ESR1: variants seen among roughly 807,000 people sequenced by gnomAD.
ESR1 encodes estrogen receptor 1.
In ESR1, 12 loss-of-function variants were observed where a neutral mutation model predicts 52.7. The ratio of observed to expected loss-of-function variants is 0.23; its 90% CI spans 0.15 to 0.37. The LOEUF (loss-of-function observed/expected upper bound fraction) is 0.37. Among genes scored for constraint, ESR1 ranks in the 10% least tolerant of loss-of-function variants. ESR1 has a pLI of 1.00. For synonymous variants in ESR1, 305 were observed against 316.8 expected (o/e 0.96, Z 0.39); for missense variants, 584 against 779.7 (o/e 0.75, Z 2.99).
intron 1 of ESR1, among the ~76,000 whole-genome samples, chr6:151,695,967 T>C (rs555260405): frequency 6.6e-6 from 1 of 152,352 alleles, no homozygotes; most frequent in South Asian, 2.1e-4. Flanking sequence ...ATTTACAAAA[T>C]TTAAAATTTT....
At position 151,730,102 on chromosome 6, in the gene ESR1, C is replaced by T. The variant is rs372635190; in HGVS notation, c.-71+28097C>T. On this transcript the variant is annotated intron_variant, in intron 2 of 2. Coordinates refer to the ESR1 transcript ENST00000404742. ...TGGCCCATTTCCGGGGTTCCTGTTC[C>T]TGTTATGCACATCAATCCCTAGATT... Among the ~76,000 whole-genome samples the T allele has an allele frequency of 2.0e-5, 3 of 152,170 alleles. No homozygotes were observed. In the East Asian group the frequency reaches 5.8e-4, roughly 30 times the overall value.
At chr6:151,831,393 G>A (rs147068535) in intron 1 of ESR1, among the ~76,000 whole-genome samples, 2,338 of 152,254 alleles carry the variant, frequency 0.015, 33 homozygotes, top group Non-Finnish European at 0.023. Flanking sequence ...TCCCACCGCA[G>A]CCTTCCAGAG....
rs2035469703 is a variant in ESR1 at position 151,944,467 on chromosome 6, G to A, written c.1055G>A (p.Arg352Lys). ...MMGLLTNLAD[R>K]ELVHMINWAK... is the part of the protein sequence containing the mutation. The stretch of plus-strand genomic sequence containing the variant: ...GGCTTACTGACCAACCTGGCAGACA[G>A]GGAGCTGGTTCACATGATCAACTGG... The change falls in exon 4 of 8, where the codon AGG becomes AAG. Residue 352 changes from arginine to lysine, a missense_variant. Arg to Lys is a conservative substitution (Grantham distance 26, BLOSUM62 2). Transcript: ENST00000206249. 1 of 1,614,118 alleles carries A rather than the reference G, an allele frequency of 6.2e-7. No homozygotes were observed. The highest frequency in any genetic ancestry group is 8.5e-7 in the Non-Finnish European group (1 of 1,180,048).
intron 4 of ESR1, among the ~76,000 whole-genome samples, chr6:151,966,602 G>A (rs557200721): frequency 2.5e-4 from 38 of 151,526 alleles, no homozygotes; most frequent in African/African-American, 6.3e-4. Flanking sequence ...TCTCTTACAC[G>A]TAAGACATCA....
chr6:152,015,862 G>A (rs74531416), intron 5 of ESR1, among the ~76,000 whole-genome samples: 3,068 of 152,212 alleles, frequency 0.02, 46 homozygotes, highest in Admixed American at 0.029. Context: ...ATGGGGAAAA[G>A]CAAAGACTCT....
intron 5 of ESR1, among the ~76,000 whole-genome samples, chr6:152,042,252 C>T (rs976271418): frequency 6.6e-6 from 1 of 152,148 alleles, no homozygotes; most frequent in Non-Finnish European, 1.5e-5. Flanking sequence ...TATGTCTATG[C>T]CAATTATGCA....
chr6:151,821,409 G>A (rs9340783), intron 1 of ESR1, among the ~76,000 whole-genome samples: 1 of 152,214 alleles, frequency 6.6e-6, no homozygotes, highest in Non-Finnish European at 1.5e-5. Flanking sequence ...TGTCGAGTCG[G>A]TGTTAGTTCT....
chr6:152,039,027 A>G (rs1250971885), intron 5 of ESR1, among the ~76,000 whole-genome samples: 1 of 152,250 alleles, frequency 6.6e-6, no homozygotes, highest in Non-Finnish European at 1.5e-5. Flanking sequence ...ACAGGCAGAA[A>G]GATGTTCTTA....
At chr6:151,892,594 T>C (rs939938259) in intron 3 of ESR1, among the ~76,000 whole-genome samples, 21 of 151,510 alleles carry the variant, frequency 1.4e-4, no homozygotes, top group Admixed American at 1.2e-3. Context: ...CTAAGCTTTT[T>C]TTTTTTTTTT....
chr6:151,994,750 T>C (rs1316798499), intron 4 of ESR1, among the ~76,000 whole-genome samples: 1 of 152,174 alleles, frequency 6.6e-6, no homozygotes, highest in Non-Finnish European at 1.5e-5. Context: ...ACTACCAGCA[T>C]GCCTATAAAT....
At chr6:151,766,504 T>TA (rs58256469) in intron 2 of ESR1, among the ~76,000 whole-genome samples, 19 of 151,020 alleles carry the variant, frequency 1.3e-4, no homozygotes, top group African/African-American at 2.2e-4. Flanking sequence ...AAATAAAAAA[T>TA]AAAAAAAAAC....
At chr6:151,857,393 G>T (rs914133072) in intron 2 of ESR1, among the ~76,000 whole-genome samples, 2 of 151,932 alleles carry the variant, frequency 1.3e-5, no homozygotes, top group African/African-American at 4.8e-5. Context: ...AGATTTTGGT[G>T]TCTGAGGAGT....
chr6:151,927,250 AT>A lies in ESR1; in HGVS notation c.761-16919del, dbSNP rs370855674. 2.2e-4 allele frequency among the ~76,000 whole-genome samples: 33 copies of A among 152,250 alleles called. No individual in the cohort carries two copies. The South Asian group carries it at 6.8e-3, about 32-fold the overall frequency. On this transcript the variant is annotated intron_variant, in intron 3 of 7. Transcript: ENST00000206249. ...GCATCGTTTGTTCTGTCTTGCTAAC[AT>A]TTTGTTGAGATTTTGTGCCAGTGCT...
chr6:151,828,290 A>G (rs922564462), intron 1 of ESR1, among the ~76,000 whole-genome samples: 3 of 152,208 alleles, frequency 2.0e-5, no homozygotes, highest in African/African-American at 7.2e-5. Flanking sequence ...TATTTATTAC[A>G]TGCTGCTCAT....
At chr6:151,974,566 A>G (rs1331213224) in intron 4 of ESR1, among the ~76,000 whole-genome samples, 1 of 152,204 alleles carries the variant, frequency 6.6e-6, no homozygotes, top group Non-Finnish European at 1.5e-5. Flanking sequence ...AAATTACATT[A>G]AAACTGGGCC....
At chr6:151,824,234 AT>A (rs540007206) in intron 1 of ESR1, among the ~76,000 whole-genome samples, 2,629 of 152,098 alleles carry the variant, frequency 0.017, 68 homozygotes, top group African/African-American at 0.059. Context: ...GATGATGAGC[AT>A]TTTTTCATGT....
chr6:151,913,706 C>CT (rs1798627734), intron 3 of ESR1, among the ~76,000 whole-genome samples: 1 of 152,072 alleles, frequency 6.6e-6, no homozygotes, highest in Non-Finnish European at 1.5e-5. Context: ...CCAAAGAACT[C>CT]TGAGTCTTGC....
intron 2 of ESR1, among the ~76,000 whole-genome samples, chr6:151,742,652 A>G (rs575286276): frequency 6.0e-4 from 91 of 152,274 alleles, no homozygotes; most frequent in African/African-American, 2.2e-3. Context: ...TAGAACAGTT[A>G]CTGCCATATA....
chr6:151,753,432 C>T (rs1166559535), intron 2 of ESR1, among the ~76,000 whole-genome samples: 1 of 151,912 alleles, frequency 6.6e-6, no homozygotes, highest in Non-Finnish European at 1.5e-5. Flanking sequence ...ATTCTCCTGC[C>T]TCAATCTCCT....
Sources: allele counts gnomAD v4.1 joint callset (sites outside exome capture counted in the v4.1 genomes callset), GRCh38; gene constraint gnomAD v4.1.1; transcripts MANE v1.5; gene names NCBI Gene and HGNC (gene_info 2026-07-23, HGNC 2026-07-21).